VPS52: variants seen among roughly 807,000 people sequenced by gnomAD.
The protein encoded by VPS52 is VPS52 subunit of GARP complex.
Under a neutral mutation model 98.7 loss-of-function variants are expected in VPS52, and 56 were observed. That is an observed-to-expected ratio of 0.57 (90% CI 0.46 to 0.71). The LOEUF (loss-of-function observed/expected upper bound fraction) is 0.71, where lower values mean the gene tolerates loss of function less well. Among genes scored for constraint, VPS52 ranks in the 30% least tolerant of loss-of-function variants. The pLI is 0.00. For synonymous variants in VPS52, 348 were observed against 346.4 expected (o/e 1.00, Z -0.05); for missense variants, 742 against 925.9 (o/e 0.80, Z 2.58).
chr6:33,264,462 C>A lies in VPS52; in HGVS notation c.1436G>T (p.Arg479Leu). The change falls in exon 14 of 20, where the codon CGG becomes CTG. Residue 479 changes from arginine (R) to leucine (L), a missense_variant. This residue lies in a region of VPS52 where 590 missense variants were observed against 793.3 expected (regional missense o/e 0.74). Coordinates refer to ENST00000445902, the MANE Select transcript of VPS52 (RefSeq NM_022553.6). Reference sequence around the variant, plus strand: ...ATTCATCTCCAGGATCAGTTCAAACCGTGGCCATAGCAAGGCAAGCACCTG... The same window carrying A: ...ATTCATCTCCAGGATCAGTTCAAACAGTGGCCATAGCAAGGCAAGCACCTG... Reference protein sequence around the residue: ...WEQVLALLWPRFELILEMNVQ... With the variant: ...WEQVLALLWPLFELILEMNVQ... 1.2e-6 allele frequency: 2 copies of A among 1,614,134 alleles called. No individual in the cohort carries two copies. Among genetic ancestry groups the A allele is most frequent in the Non-Finnish European group, 1.7e-6 (2 of 1,180,032 alleles).
In VPS52 at chr6:33,251,649, G is replaced by A; in HGVS notation, c.1907-13C>T. ...TGAGTTACCCGGGCTAATAGCAGGA[G>A]GAAACAGTGTCAGAGAGGGATCTGG... is the stretch of plus-strand genomic sequence containing the variant. On this transcript the variant is annotated splice_polypyrimidine_tract_variant and intron_variant, in intron 18 of 19. Coordinates refer to ENST00000445902, the MANE Select transcript of VPS52 (RefSeq NM_022553.6). 1.2e-6 allele frequency: 2 copies of A among 1,600,258 alleles called. No homozygotes were observed. The highest frequency in any genetic ancestry group is 1.7e-6 in the Non-Finnish European group (2 of 1,168,650).
intron 17 of VPS52, among the ~76,000 whole-genome samples, chr6:33,258,912 GAAA>G (rs924199561): frequency 6.7e-6 from 1 of 148,664 alleles, no homozygotes; most frequent in African/African-American, 2.5e-5. Flanking sequence ...CATTTTACAG[GAAA>G]AAAAAAAATT....
chr6:33,257,540 A>G (rs1384652090), intron 17 of VPS52, among the ~76,000 whole-genome samples: 2 of 152,112 alleles, frequency 1.3e-5, no homozygotes, highest in African/African-American at 4.8e-5. Flanking sequence ...CTAGGACTAC[A>G]GGTACGCATC....
chr6:33,256,463 CAAAAAAAAAAAAAAAAAAAAA>C (rs9280385), intron 17 of VPS52, among the ~76,000 whole-genome samples: 3,449 of 83,612 alleles, frequency 0.041, 77 homozygotes, highest in Non-Finnish European at 0.058. Context: ...AAACCTGTCT[CAAAAAAAAAAAAAAAAAAAAA>C]AAAAAAAAAA....
In VPS52 at chr6:33,267,282, A is replaced by G; in HGVS notation, c.1031T>C (p.Ile344Thr). 1.9e-6 allele frequency: 3 copies of G among 1,603,174 alleles called. No individual in the cohort carries two copies. Among genetic ancestry groups the G allele is most frequent in the Non-Finnish European group, 2.6e-6 (3 of 1,175,468 alleles). The change falls in exon 11 of 20, where the codon ATT becomes ACT. Residue 344 changes from isoleucine (I) to threonine (T), a missense_variant. Coordinates refer to ENST00000445902, the MANE Select transcript of VPS52 (RefSeq NM_022553.6). The surrounding 1 kb of genome is among the most constrained non-coding windows in gnomAD (Gnocchi z 4.2). ...SKPSLRSRNT[I>T]FTLGTRGSVI... Reference sequence around the variant, plus strand: ...AGAGCCGCGGGTTCCTAGGGTGAAAATGGTGTTCCTGCTGCGGAGCGATGG... The same window carrying G: ...AGAGCCGCGGGTTCCTAGGGTGAAAGTGGTGTTCCTGCTGCGGAGCGATGG...
At position 33,267,250 on chromosome 6, in the gene VPS52, A is replaced by G; in HGVS notation, c.1063T>C (p.Ser355Pro). 6.2e-7 allele frequency: 1 copy of G among 1,601,906 alleles called. No homozygotes were observed. Among genetic ancestry groups the G allele is most frequent in the East Asian group, 2.3e-5 (1 of 44,198 alleles). ...FTLGTRGSVISPTELEAPILV... is the reference protein window; with the variant it reads ...FTLGTRGSVIPPTELEAPILV... ...ATGGGGGCCTCAAGTTCAGTGGGGG[A>G]GATGACAGAGCCGCGGGTTCCTAGG... The change falls in exon 11 of 20, where the codon TCC becomes CCC. Residue 355 changes from serine (S) to proline (P), a missense_variant. Physicochemically the swap from Ser to Pro is moderately conservative, Grantham distance 74 (BLOSUM62 -1). Around this residue, in one of 2 missense-constraint regions of VPS52, gnomAD observed 590 missense variants for 793.3 expected, o/e 0.74. Transcript: ENST00000445902. This position sits in a 1 kb window ranked among gnomAD's most constrained non-coding sequence, Gnocchi z 4.2.
At chr6:33,252,223 C>T (rs563860757) in intron 17 of VPS52, among the ~76,000 whole-genome samples, 122 of 152,320 alleles carry the variant, frequency 8.0e-4, no homozygotes, top group Non-Finnish European at 9.0e-4. Context: ...AGTCAGCAGA[C>T]ACAATAAGCA....
At position 33,269,691 on chromosome 6, in the gene VPS52, G is replaced by A. The variant is rs1319008322; in HGVS notation, c.304+53C>T. On this transcript the variant is annotated intron_variant, in intron 4 of 19. Coordinates refer to ENST00000445902, the MANE Select transcript of VPS52 (RefSeq NM_022553.6). ...CCCAGCTGGGACATCTGTACCACAC[G>A]CCACAAAATCCCCATGTCAATAGCA... 3.1e-6 allele frequency: 5 copies of A among 1,588,792 alleles called. No homozygotes were observed. In the African/African-American group the frequency reaches 4.0e-5, roughly 13 times the overall value.
chr6:33,268,325 G>T lies in VPS52; in HGVS notation c.700-117C>A. 1.5e-6 allele frequency: 2 copies of T among 1,345,616 alleles called. No homozygotes were observed. Among genetic ancestry groups the T allele is most frequent in the Non-Finnish European group, 2.1e-6 (2 of 963,752 alleles). The allele number at this position is 1,345,616 out of a possible 1,614,324, so 83.4% of individuals were successfully genotyped here. The stretch of plus-strand genomic sequence containing the variant: ...CAGAAGGGTGGTGAATATCTCTTTG[G>T]TATTTCTCAAGATTTTCAGGGAAAC... On this transcript the variant is annotated intron_variant, in intron 7 of 19. Coordinates refer to ENST00000445902, the MANE Select transcript of VPS52 (RefSeq NM_022553.6). This position sits in a 1 kb window ranked among gnomAD's most constrained non-coding sequence, Gnocchi z 4.0.
chr6:33,267,291 CT>C lies in VPS52; in HGVS notation c.1021del (p.Arg341GlyfsTer7), dbSNP rs1764451762. On this transcript the variant is annotated frameshift_variant, in exon 11 of 20. Coordinates refer to ENST00000445902, the MANE Select transcript of VPS52 (RefSeq NM_022553.6). LOFTEE classifies it high-confidence loss of function. This position sits in a 1 kb window ranked among gnomAD's most constrained non-coding sequence, Gnocchi z 4.2. Reference sequence around the variant, plus strand: ...GGTTCCTAGGGTGAAAATGGTGTTCCTGCTGCGGAGCGATGGCTTTGAGAAG... The same window carrying C: ...GGTTCCTAGGGTGAAAATGGTGTTCCGCTGCGGAGCGATGGCTTTGAGAAG... ...GFFSKPSLRS[R>X]NTIFTLGTRG... is the part of the protein sequence containing the mutation. 6.2e-7 allele frequency: 1 copy of C among 1,600,804 alleles called. No individual in the cohort carries two copies. Among genetic ancestry groups the C allele is most frequent in the African/African-American group, 1.3e-5 (1 of 74,162 alleles).
intron 17 of VPS52, among the ~76,000 whole-genome samples, chr6:33,260,484 C>A (rs1429958759): frequency 6.6e-6 from 1 of 151,932 alleles, no homozygotes; most frequent in African/African-American, 2.4e-5. Flanking sequence ...CACAAACACA[C>A]CACACAATCC....
rs768950108 is a variant in VPS52, at chr6:33,263,851, A to G, written c.1649T>C (p.Val550Ala). ...CTTCCTTGAGGAGAACTCAGCTGCC[A>G]CTCGGAGGACAAAATTCTCCACCTC... is the stretch of plus-strand genomic sequence containing the variant. ...QVEVENFVLR[V>A]AAEFSSRKEQ... The change falls in exon 16 of 20, where the codon GTG (valine) becomes GCG (alanine). Residue 550 changes from valine to alanine, a missense_variant. By Grantham distance (64) the Val-to-Ala change is moderately conservative. Around this residue, in one of 2 missense-constraint regions of VPS52, gnomAD observed 590 missense variants for 793.3 expected, o/e 0.74. Coordinates refer to ENST00000445902, the MANE Select transcript of VPS52 (RefSeq NM_022553.6). The G allele has an allele frequency of 1.2e-6, 2 of 1,614,176 alleles. No individual in the cohort carries two copies. The highest frequency in any genetic ancestry group is 1.7e-6 in the Non-Finnish European group (2 of 1,180,030).
In VPS52 at chr6:33,267,889, G is replaced by T; in HGVS notation, c.909C>A (p.Tyr303Ter). ...CCTGCACCTTCATGAGCCGCCCCAG[G>T]TAAGAGCGGTAGTAAGACAGGTAAA... ...SKIYLSYYRS[Y>*]LGRLMKVQYE... Residue 303 changes from tyrosine (Y) to a stop codon, truncating the protein, a stop_gained, in exon 9 of 20, where the codon TAC (tyrosine) becomes TAA (stop). Transcript: ENST00000445902. LOFTEE classifies it high-confidence loss of function. This position sits in a 1 kb window ranked among gnomAD's most constrained non-coding sequence, Gnocchi z 4.2. 6.2e-7 allele frequency: 1 copy of T among 1,613,028 alleles called. No individual in the cohort carries two copies. Among genetic ancestry groups the T allele is most frequent in the Non-Finnish European group, 8.5e-7 (1 of 1,180,018 alleles).
rs1193559784 is a variant in VPS52 at position 33,250,789 on chromosome 6, G to T, written c.*52C>A. 1.0e-5 allele frequency: 16 copies of T among 1,591,788 alleles called. No homozygotes were observed. In the East Asian group the frequency reaches 2.0e-4, roughly 20 times the overall value. On this transcript the variant is annotated 3_prime_UTR_variant, in exon 20 of 20. Coordinates refer to ENST00000445902, the MANE Select transcript of VPS52 (RefSeq NM_022553.6). Reference sequence around the variant, plus strand: ...CAGGTGAAGAAGGGTATGGAATGGGGTGCAGAAGTCCATGGAGATGACCGG... The same window carrying T: ...CAGGTGAAGAAGGGTATGGAATGGGTTGCAGAAGTCCATGGAGATGACCGG...
Position 33,267,909 on chromosome 6 carries a change from G to C in VPS52, c.889C>G (p.Leu297Val). The C allele has an allele frequency of 6.2e-7, 1 of 1,613,074 alleles. No individual in the cohort carries two copies. Among genetic ancestry groups the C allele is most frequent in the Non-Finnish European group, 8.5e-7 (1 of 1,180,030 alleles). ...CCCAGGTAAGAGCGGTAGTAAGACA[G>C]GTAAATCTTGCTCAGCGTCTCCACA... Reference protein sequence around the residue: ...EYVETLSKIYLSYYRSYLGRL... With the variant: ...EYVETLSKIYVSYYRSYLGRL... Residue 297 changes from leucine to valine, a missense_variant, in exon 9 of 20, where the codon CTG becomes GTG. By Grantham distance (32) the Leu-to-Val change is conservative. Around this residue, in one of 2 missense-constraint regions of VPS52, gnomAD observed 590 missense variants for 793.3 expected, o/e 0.74. Coordinates refer to ENST00000445902, the MANE Select transcript of VPS52 (RefSeq NM_022553.6). This position sits in a 1 kb window ranked among gnomAD's most constrained non-coding sequence, Gnocchi z 4.2.
intron 17 of VPS52, among the ~76,000 whole-genome samples, chr6:33,260,503 G>T (rs1484436111): frequency 2.6e-5 from 4 of 152,100 alleles, no homozygotes; most frequent in African/African-American, 7.2e-5. Context: ...CCAAGTAGCA[G>T]CAGCTTGGCA....
chr6:33,251,548 G>A lies in VPS52; in HGVS notation c.1995C>T (p.Thr665=). ...SLSQDVMRSF[T]NFRNGTSIIQ... is the part of the protein sequence containing the mutation. Reference sequence around the variant, plus strand: ...TGATACTGGTGCCATTTCTGAAGTTGGTGAAACTCCGCATTACATCCTGAC... The same window carrying A: ...TGATACTGGTGCCATTTCTGAAGTTAGTGAAACTCCGCATTACATCCTGAC... The change falls in exon 19 of 20, where the codon ACC becomes ACT. Residue 665 remains threonine (T), a synonymous_variant. Transcript: ENST00000445902. The A allele has an allele frequency of 1.2e-6, 2 of 1,613,664 alleles. No homozygotes were observed. Among genetic ancestry groups the A allele is most frequent in the Non-Finnish European group, 1.7e-6 (2 of 1,179,748 alleles).
chr6:33,266,048 G>A (rs1480196003), intron 12 of VPS52, among the ~76,000 whole-genome samples: 2 of 151,778 alleles, frequency 1.3e-5, no homozygotes, highest in African/African-American at 4.8e-5. Flanking sequence ...TGTTAGTAGA[G>A]ACAGGGTTTC....
At chr6:33,258,691 C>A (rs893545210) in intron 17 of VPS52, among the ~76,000 whole-genome samples, 13 of 152,244 alleles carry the variant, frequency 8.5e-5, no homozygotes, top group Admixed American at 8.5e-4. Context: ...TTCAGCGCCC[C>A]TGAGGAGCTG....
Sources: allele counts gnomAD v4.1 joint callset (sites outside exome capture counted in the v4.1 genomes callset), GRCh38; gene constraint gnomAD v4.1.1; regional missense constraint gnomAD v4.1.1; non-coding constraint Gnocchi (gnomAD v3.1); transcripts MANE v1.5; gene names NCBI Gene and HGNC (gene_info 2026-07-23, HGNC 2026-07-21).